CUBN: variants seen among roughly 807,000 people sequenced by gnomAD.
CUBN encodes the protein cubilin, also known as 460 kDa receptor.
A neutral mutation model predicts 405.3 loss-of-function variants in CUBN; 282 were observed. The observed-to-expected ratio is 0.70, with a 90% CI of 0.63 to 0.77. The LOEUF (loss-of-function observed/expected upper bound fraction) is 0.77, where lower values mean the gene tolerates loss of function less well. CUBN is among the 30% of genes least tolerant of loss of function. The pLI, the probability that CUBN is intolerant of heterozygous loss-of-function variation, is 0.00. For synonymous variants in CUBN, 1,684 were observed against 1,617.0 expected (o/e 1.04, Z -0.99); for missense variants, 4,514 against 4,475.2 (o/e 1.01, Z -0.25).
intron 28 of CUBN, among the ~76,000 whole-genome samples, chr10:17,004,111 T>C (rs974811182): frequency 2.0e-5 from 3 of 152,330 alleles, no homozygotes; most frequent in African/African-American, 7.2e-5. Context: ...TTTCTTGTCC[T>C]GATCATTCTT....
At chr10:17,042,794 G>T (rs966179426) in intron 26 of CUBN, among the ~76,000 whole-genome samples, 5 of 151,954 alleles carry the variant, frequency 3.3e-5, no homozygotes, top group Non-Finnish European at 7.4e-5. Flanking sequence ...CATAATCAAG[G>T]TTAAATGTTA....
At chr10:17,023,069 G>C (rs762168605) in intron 27 of CUBN, among the ~76,000 whole-genome samples, 1 of 152,120 alleles carries the variant, frequency 6.6e-6, no homozygotes, top group African/African-American at 2.4e-5. Flanking sequence ...ATTAAGAAAT[G>C]TGGCATTTTC....
At chr10:16,863,373 C>T (rs899983157) in intron 59 of CUBN, among the ~76,000 whole-genome samples, 2 of 152,144 alleles carry the variant, frequency 1.3e-5, no homozygotes, top group East Asian at 1.9e-4. Flanking sequence ...CATTAGGAAA[C>T]CAGAAAAATG....
At position 16,950,012 on chromosome 10, in the gene CUBN, G is replaced by A. The variant is rs141640975; in HGVS notation, c.5069C>T (p.Ala1690Val). ...VEILDGGHED[A>V]PLRGRYCGTD... ...GAACGCTGAGGTACCTCGGAGGGGC[G>A]CGTCTTCGTGGCCGCCATCCAAAAT... is the stretch of plus-strand genomic sequence containing the variant. Residue 1690 changes from alanine (A) to valine (V), a missense_variant, in exon 34 of 67, where the codon GCG becomes GTG. By Grantham distance (64) the Ala-to-Val change is moderately conservative (BLOSUM62 0). Coordinates refer to ENST00000377833, the MANE Select transcript of CUBN (RefSeq NM_001081.4). 3,324 of 1,613,104 alleles carry A rather than the reference G, an allele frequency of 2.1e-3. 5 individuals carry two copies. Among genetic ancestry groups the A allele is most frequent in the Non-Finnish European group, 2.6e-3 (3,065 of 1,179,288 alleles).
intron 29 of CUBN, among the ~76,000 whole-genome samples, chr10:16,986,091 C>T (rs1386099862): frequency 1.3e-5 from 2 of 152,222 alleles, no homozygotes; most frequent in Admixed American, 6.5e-5. Flanking sequence ...TCCTCATCTT[C>T]AGGTCTTTTC....
chr10:16,978,657 A>C (rs1833170156), intron 31 of CUBN, among the ~76,000 whole-genome samples: 2 of 152,248 alleles, frequency 1.3e-5, no homozygotes, highest in Non-Finnish European at 2.9e-5. Flanking sequence ...TGTGTAGGAA[A>C]CTATCAGGAC....
chr10:17,105,382 C>T, intron 11 of CUBN, 75 bp downstream of exon 11: 1 of 886,406 alleles, frequency 1.1e-6, no homozygotes, highest in Non-Finnish European at 1.9e-6. Flanking sequence ...TTCCTGAATC[C>T]TATAACGTTA....
chr10:16,997,146 G>A (rs114542162), intron 28 of CUBN, among the ~76,000 whole-genome samples: 41 of 152,268 alleles, frequency 2.7e-4, no homozygotes, highest in African/African-American at 8.2e-4. Context: ...GTAAAAAGGC[G>A]GCTTGTGGGC....
intron 57 of CUBN, among the ~76,000 whole-genome samples, chr10:16,876,293 A>T (rs1417710740): frequency 6.6e-6 from 1 of 152,222 alleles, no homozygotes; most frequent in Non-Finnish European, 1.5e-5. Context: ...ACTATTCAAG[A>T]TCAGGAAATG....
intron 28 of CUBN, among the ~76,000 whole-genome samples, chr10:16,995,494 A>C (rs1405347735): frequency 1.3e-5 from 2 of 149,616 alleles, no homozygotes; most frequent in Non-Finnish European, 3.0e-5. Context: ...CTATCTTTAC[A>C]TTTTTTTTTT....
chr10:16,890,435 T>A lies in CUBN; in HGVS notation c.8691A>T (p.Thr2897=), dbSNP rs755818302. The A allele has an allele frequency of 2.5e-6, 4 of 1,614,070 alleles. No individual in the cohort carries two copies. The Admixed American group carries it at 6.7e-5, about 27-fold the overall frequency. The change falls in exon 55 of 67, where the codon ACA becomes ACT. Residue 2897 remains threonine (T), a synonymous_variant. Coordinates refer to ENST00000377833, the MANE Select transcript of CUBN (RefSeq NM_001081.4). ...CCTGAGACTGGAAGACGGCAGTGAA[T>A]GTGTTACTTGGTGTGATAACGGGAC... The part of the protein sequence containing the change: ...APGPVITPSN[T]FTAVFQSQEA...
chr10:16,835,173 C>G lies in CUBN; in HGVS notation c.10203G>C (p.Lys3401Asn), dbSNP rs1839132226. ...CAGGGCTTCTCAGGTTGCCAAATGC[C>G]TTGTGATAGTCTCTGTTGCAATCTT... ...QIADCNRDYH[K>N]AFGNLRSPGW... Residue 3401 changes from lysine to asparagine, a missense_variant, in exon 64 of 67, where the codon AAG becomes AAC. This residue lies in a region of CUBN where 1,186 missense variants were observed against 1,186.9 expected (regional missense o/e 1.00). Coordinates refer to ENST00000377833, the MANE Select transcript of CUBN (RefSeq NM_001081.4). 6.2e-7 allele frequency: 1 copy of G among 1,613,924 alleles called. No homozygotes were observed. The highest frequency in any genetic ancestry group is 8.5e-7 in the Non-Finnish European group (1 of 1,179,916).
In CUBN at chr10:17,071,924, G is replaced by A. The variant is rs373735221; in HGVS notation, c.2349C>T (p.Thr783=). 6.4e-5 allele frequency: 103 copies of A among 1,613,094 alleles called. No homozygotes were observed. The South Asian group carries it at 1.1e-3, about 17-fold the overall frequency. Residue 783 remains threonine (T), a synonymous_variant, in exon 18 of 67, where the codon ACC becomes ACT. Coordinates refer to ENST00000377833, the MANE Select transcript of CUBN (RefSeq NM_001081.4). ...TLLGKVCGNG[T]ISHIKSITNS... is the part of the protein sequence containing the mutation. The stretch of plus-strand genomic sequence containing the variant: ...TAGTAATGGATTTAATGTGAGAGAT[G>A]GTTCCGTTGCCACAGACTTTTCCAA...
chr10:16,912,314 G>T (rs1390884180), intron 48 of CUBN, among the ~76,000 whole-genome samples: 2 of 152,194 alleles, frequency 1.3e-5, no homozygotes, highest in Non-Finnish European at 1.5e-5. Flanking sequence ...AAGGGATAAT[G>T]ATAGTACCTC....
intron 6 of CUBN, chr10:17,122,264 G>C: frequency 4.7e-6 from 1 of 212,506 alleles, no homozygotes; most frequent in Non-Finnish European, 9.6e-6. Context: ...TACTGATAAT[G>C]ATGACTGTGG....
At chr10:16,955,192 G>A (rs932896169) in intron 31 of CUBN, among the ~76,000 whole-genome samples, 8 of 128,394 alleles carry the variant, frequency 6.2e-5, no homozygotes, top group Admixed American at 2.9e-4. Context: ...CCAACATGGC[G>A]AGACCCCCGT....
intron 17 of CUBN, among the ~76,000 whole-genome samples, chr10:17,078,245 ACT>A (rs145615332): frequency 0.019 from 2,874 of 152,206 alleles, 43 homozygotes; most frequent in East Asian, 0.064. Context: ...CTCCTGCCTA[ACT>A]CATATTTCTC....
At chr10:17,015,396 G>A (rs1804607601) in intron 28 of CUBN, among the ~76,000 whole-genome samples, 1 of 152,148 alleles carries the variant, frequency 6.6e-6, no homozygotes, top group Non-Finnish European at 1.5e-5. Flanking sequence ...CCTAATAAGG[G>A]TGTGGGACTT....
chr10:17,058,038 C>T (rs199726788), intron 22 of CUBN, among the ~76,000 whole-genome samples: 1 of 152,034 alleles, frequency 6.6e-6, no homozygotes, highest in East Asian at 1.9e-4. Flanking sequence ...AAGAGAATCG[C>T]TTGAACCTGG....
Sources: gnomAD v4.1 joint callset for allele counts (sites outside exome capture counted in the v4.1 genomes callset) on GRCh38, gnomAD v4.1.1 for gene constraint, gnomAD v4.1.1 regional missense constraint, MANE v1.5 for transcripts, NCBI Gene and HGNC (gene_info 2026-07-23, HGNC 2026-07-21) for gene names.